Variants in HLCS observed in about 807,000 individuals in gnomAD.
The protein encoded by HLCS is holocarboxylase synthetase, also known as biotin--protein ligase.
HLCS carries 53 observed loss-of-function variants against 75.0 expected under a neutral mutation model. The observed-to-expected ratio is 0.71, with a 90% CI of 0.57 to 0.89. HLCS has a LOEUF of 0.89. Among genes scored for constraint, HLCS ranks in the 40% least tolerant of loss-of-function variants. The probability of loss-of-function intolerance (pLI) is 0.00; values close to 1 mark genes in which losing one functional copy is unlikely to be tolerated. For synonymous variants in HLCS, 431 were observed against 428.6 expected, an observed-to-expected ratio of 1.01 and a Z score of -0.07; for missense variants, 966 against 1,074.0, an observed-to-expected ratio of 0.90 and a Z score of 1.41.
chr21:36,901,272 A>G (rs947156216), intron 5 of HLCS, among the ~76,000 whole-genome samples: 2 of 152,110 alleles, frequency 1.3e-5, no homozygotes, highest in Admixed American at 1.3e-4. Context: ...GAAAAAAAAA[A>G]TCCCTTGAAA....
At chr21:36,825,668 C>T (rs2061985389) in intron 6 of HLCS, among the ~76,000 whole-genome samples, 1 of 152,194 alleles carries the variant, frequency 6.6e-6, no homozygotes, top group Non-Finnish European at 1.5e-5. Context: ...TAGCGTAAGG[C>T]AGAGCACTGG....
chr21:36,783,707 C>T lies in HLCS; in HGVS notation c.1893-16422G>A, dbSNP rs553560137. Among the ~76,000 whole-genome samples, 7 of 152,268 alleles carry T rather than the reference C, an allele frequency of 4.6e-5. No individual in the cohort carries two copies. In the South Asian group the frequency reaches 6.2e-4, roughly 14 times the overall value. On this transcript the variant is annotated intron_variant, in intron 6 of 10. Transcript: ENST00000674895. ...TGTCTCCCTACAGTGGCTTCATTCG[C>T]GATCACCAGATGTCAGGTCTGCCAG...
At chr21:36,881,863 G>A (rs1169766164) in intron 6 of HLCS, among the ~76,000 whole-genome samples, 1 of 152,122 alleles carries the variant, frequency 6.6e-6, no homozygotes, top group Non-Finnish European at 1.5e-5. Flanking sequence ...GGCTTTACAG[G>A]CATGGTGGCA....
Position 36,926,345 on chromosome 21 carries a change from C to T in HLCS, c.1620+3906G>A, listed in dbSNP as rs143893857. Among the ~76,000 whole-genome samples the T allele has an allele frequency of 2.2e-3, 332 of 152,282 alleles. 2 individuals are homozygous for T. Among genetic ancestry groups the T allele is most frequent in the Non-Finnish European group, 3.3e-3 (225 of 68,014 alleles). Reference sequence around the variant, plus strand: ...CCTGGAAGTCACAGCTGCCACAGGCCATGAACAAGAGTCACGTGTTTTACT... The same window carrying T: ...CCTGGAAGTCACAGCTGCCACAGGCTATGAACAAGAGTCACGTGTTTTACT... On this transcript the variant is annotated intron_variant, in intron 5 of 10. Coordinates refer to ENST00000674895, the MANE Select transcript of HLCS (RefSeq NM_001352514.2).
At chr21:36,978,498 C>CAA (rs35614243) in intron 1 of HLCS, among the ~76,000 whole-genome samples, 48,360 of 138,398 alleles carry the variant, frequency 0.35, 8,255 homozygotes, top group East Asian at 0.5. Flanking sequence ...CCACCTCAAA[C>CAA]AAAAAAAAAA....
chr21:36,927,654 C>A (rs2066465619), intron 5 of HLCS, among the ~76,000 whole-genome samples: 1 of 152,194 alleles, frequency 6.6e-6, no homozygotes, highest in African/African-American at 2.4e-5. Flanking sequence ...GAAATAATTT[C>A]TGCAGACCCA....
chr21:36,916,887 G>C (rs1469348428), intron 5 of HLCS, among the ~76,000 whole-genome samples: 1 of 152,112 alleles, frequency 6.6e-6, no homozygotes, highest in Non-Finnish European at 1.5e-5. Context: ...TGGAAGCAAA[G>C]ATGTCAAAGC....
chr21:36,779,893 G>A (rs749569591), intron 6 of HLCS, among the ~76,000 whole-genome samples: 2 of 151,980 alleles, frequency 1.3e-5, no homozygotes, highest in African/African-American at 2.4e-5. Context: ...TCCGAGAAGT[G>A]TCACACTCCC....
chr21:36,856,105 G>A (rs2063183698), intron 6 of HLCS, among the ~76,000 whole-genome samples: 1 of 152,128 alleles, frequency 6.6e-6, no homozygotes, highest in Admixed American at 6.6e-5. Flanking sequence ...ATGGGTACAG[G>A]GTTTCTTTTT....
At chr21:36,966,856 G>A (rs2146694870), upstream of HLCS, among the ~76,000 whole-genome samples, 1 of 150,442 alleles carries the variant, frequency 6.6e-6, no homozygotes, top group East Asian at 2.0e-4. Context: ...TGTGTGATGG[G>A]GAGCTCCGGA....
chr21:36,759,494 C>T lies in HLCS; in HGVS notation c.2236+233G>A, dbSNP rs76427796. ...AGTGTGGAAGGATGTAGGAACATAC[C>T]TGTTTGATGTGATACCACTTTGGTG... On this transcript the variant is annotated intron_variant, in intron 9 of 10. Coordinates refer to ENST00000674895, the MANE Select transcript of HLCS (RefSeq NM_001352514.2). 8.2e-3 allele frequency among the ~76,000 whole-genome samples: 1,256 copies of T among 152,256 alleles called. 33 individuals are homozygous for T. Among genetic ancestry groups the T allele is most frequent in the African/African-American group, 0.029 (1,206 of 41,544 alleles).
chr21:36,887,606 C>A (rs1433781928), intron 6 of HLCS, among the ~76,000 whole-genome samples: 1 of 152,162 alleles, frequency 6.6e-6, no homozygotes, highest in African/African-American at 2.4e-5. Flanking sequence ...CAGAATAACC[C>A]TTCAGTCACA....
chr21:36,915,156 G>A (rs542695542), intron 5 of HLCS, among the ~76,000 whole-genome samples: 4 of 152,348 alleles, frequency 2.6e-5, no homozygotes, highest in African/African-American at 9.6e-5. Context: ...CTCTGGCATG[G>A]GATCCTGCCC....
intron 6 of HLCS, among the ~76,000 whole-genome samples, chr21:36,848,605 C>T (rs895267892): frequency 6.6e-6 from 1 of 152,140 alleles, no homozygotes; most frequent in South Asian, 2.1e-4. Flanking sequence ...AAATATTAAA[C>T]TTTTATGATT....
intron 2 of HLCS, among the ~76,000 whole-genome samples, chr21:36,952,454 A>C (rs2067710935): frequency 6.6e-5 from 10 of 152,174 alleles, no homozygotes; most frequent in African/African-American, 2.4e-4. Context: ...GACTGTGGCA[A>C]TCCTCCTTGT....
At chr21:36,860,193 CAT>C (rs1227227466) in intron 6 of HLCS, among the ~76,000 whole-genome samples, 6 of 152,256 alleles carry the variant, frequency 3.9e-5, no homozygotes, top group Admixed American at 3.3e-4. Context: ...TCTGAGTAGG[CAT>C]TACTATTCCT....
chr21:36,912,850 T>TC (rs2065779384), intron 5 of HLCS, among the ~76,000 whole-genome samples: 1 of 152,146 alleles, frequency 6.6e-6, no homozygotes, highest in Admixed American at 6.5e-5. Flanking sequence ...CGCTGTGCTC[T>TC]CCTCTGGGTC....
intron 6 of HLCS, among the ~76,000 whole-genome samples, chr21:36,829,694 T>C (rs1329282034): frequency 6.6e-6 from 1 of 152,122 alleles, no homozygotes; most frequent in Non-Finnish European, 1.5e-5. Flanking sequence ...TCCTCCCTCA[T>C]GTAATTTGCT....
At chr21:36,950,531 G>A (rs758731327) in intron 2 of HLCS, among the ~76,000 whole-genome samples, 1 of 151,648 alleles carries the variant, frequency 6.6e-6, no homozygotes, top group Non-Finnish European at 1.5e-5. Context: ...GTTCAATAGC[G>A]CAATCAGGAC....
Sources: allele counts gnomAD v4.1 joint callset (sites outside exome capture counted in the v4.1 genomes callset), GRCh38; gene constraint gnomAD v4.1.1; transcripts MANE v1.5; gene names NCBI Gene and HGNC (gene_info 2026-07-23, HGNC 2026-07-21).